P2RY12: variants seen among roughly 807,000 people sequenced by gnomAD.
The protein encoded by P2RY12 is P2Y purinoceptor 12.
P2RY12 carries 3 observed loss-of-function variants against 4.5 expected under a neutral mutation model. The observed-to-expected ratio is 0.67, with a 90% CI of 0.31 to 1.74. P2RY12 has a LOEUF of 1.74. Ranked by LOEUF, P2RY12 falls within the 40% of genes most tolerant of loss-of-function variation. The pLI, the probability that P2RY12 is intolerant of heterozygous loss-of-function variation, is 0.09. For synonymous variants in P2RY12, 148 were observed against 154.1 expected, an observed-to-expected ratio of 0.96 and a Z score of 0.29; for missense variants, 356 against 407.8, an observed-to-expected ratio of 0.87 and a Z score of 1.09.
Position 151,338,685 on chromosome 3 carries a change from C to T in P2RY12, c.161G>A (p.Arg54Gln), listed in dbSNP as rs770337997. ...GLAMRIFFQI[R>Q]SKSNFIIFLK... ...AAAAATAATAAAGTTTGATTTACTC[C>T]GGATTTGAAAGAAAATCCTCATCGC... The change falls in exon 3 of 3, where the codon CGG (arginine) becomes CAG (glutamine). Residue 54 changes from arginine to glutamine, a missense_variant. Arg to Gln is a conservative substitution (Grantham distance 43). Coordinates refer to ENST00000302632, the MANE Select transcript of P2RY12 (RefSeq NM_022788.5). 22 of 1,613,474 alleles carry T rather than the reference C, an allele frequency of 1.4e-5. No individual in the cohort carries two copies. The highest frequency in any genetic ancestry group is 1.0e-4 in the Admixed American group (6 of 59,848).
At chr3:151,368,673 TCA>T (rs1560087340) in intron 1 of P2RY12, among the ~76,000 whole-genome samples, 12 of 76,766 alleles carry the variant, frequency 1.6e-4, no homozygotes, top group East Asian at 1.4e-3. Flanking sequence ...TCATTTCATT[TCA>T]TGTCATTTCA....
At chr3:151,367,569 C>T in intron 1 of P2RY12, 1 of 1,336,928 alleles carries the variant, frequency 7.5e-7, no homozygotes, top group Non-Finnish European at 1.0e-6. Flanking sequence ...GTATTGCCTG[C>T]ATTCTCTTAG....
At chr3:151,376,624 G>A (rs1756885491) in intron 1 of P2RY12, among the ~76,000 whole-genome samples, 1 of 152,094 alleles carries the variant, frequency 6.6e-6, no homozygotes, top group African/African-American at 2.4e-5. Flanking sequence ...CTGTTTATTG[G>A]TTTGTATCGC....
Position 151,368,056 on chromosome 3 carries a change from AT to A in P2RY12, c.-180+16635del, listed in dbSNP as rs754864741. 8.5e-4 allele frequency: 527 copies of A among 619,982 alleles called. 3 individuals are homozygous for A. Among genetic ancestry groups the A allele is most frequent in the Non-Finnish European group, 1.1e-3 (479 of 416,684 alleles). 38.4% of individuals were successfully genotyped at this position (619,982 alleles called of 1,614,324 possible). A position where few individuals can be genotyped will look rare whatever the true frequency, so the allele number is the denominator to read the frequency against. ...CTTACCATAAGGAAAATTTATTTAA[AT>A]AATTATTCCAGGAAATTTAGCTTAA... On this transcript the variant is annotated intron_variant, in intron 1 of 2. Transcript: ENST00000302632.
chr3:151,369,344 A>T, intron 1 of P2RY12: 1 of 785,820 alleles, frequency 1.3e-6, no homozygotes, highest in Non-Finnish European at 2.0e-6. Flanking sequence ...AAGCACCCAC[A>T]GTCTAACAAT....
At chr3:151,357,761 A>C (rs1030318279) in intron 1 of P2RY12, among the ~76,000 whole-genome samples, 1 of 152,242 alleles carries the variant, frequency 6.6e-6, no homozygotes, top group Admixed American at 6.5e-5. Flanking sequence ...TAAGCTTTGC[A>C]TACATTATCA....
intron 1 of P2RY12, among the ~76,000 whole-genome samples, chr3:151,367,176 G>A (rs915645306): frequency 1.3e-5 from 2 of 151,994 alleles, no homozygotes. Context: ...TTTTTAAAAC[G>A]AGTTTAATCA....
intron 1 of P2RY12, among the ~76,000 whole-genome samples, chr3:151,343,878 T>G (rs930377114): frequency 2.6e-5 from 4 of 152,196 alleles, no homozygotes; most frequent in East Asian, 3.8e-4. Flanking sequence ...GAGATATAAT[T>G]ATGACATTTG....
At chr3:151,366,748 C>A (rs1755333407) in intron 1 of P2RY12, among the ~76,000 whole-genome samples, 1 of 152,110 alleles carries the variant, frequency 6.6e-6, no homozygotes, top group African/African-American at 2.4e-5. Context: ...ATCTCTATAT[C>A]TTCATTATAT....
At chr3:151,343,597 A>G (rs1449464015) in intron 1 of P2RY12, among the ~76,000 whole-genome samples, 1 of 151,722 alleles carries the variant, frequency 6.6e-6, no homozygotes, top group Non-Finnish European at 1.5e-5. Context: ...CAAGTTATAG[A>G]TACTTTAATC....
intron 1 of P2RY12, among the ~76,000 whole-genome samples, chr3:151,369,960 T>G (rs1755977380): frequency 6.6e-6 from 1 of 152,110 alleles, no homozygotes; most frequent in Non-Finnish European, 1.5e-5. Flanking sequence ...AAAATCTGAG[T>G]CTTAATCTTA....
intron 1 of P2RY12, among the ~76,000 whole-genome samples, chr3:151,378,398 C>T (rs747752214): frequency 1.3e-5 from 2 of 152,150 alleles, no homozygotes; most frequent in Admixed American, 6.5e-5. Flanking sequence ...CAAATCACTG[C>T]TGAACTGTTA....
At chr3:151,376,244 A>C in intron 1 of P2RY12, 1 of 1,349,070 alleles carries the variant, frequency 7.4e-7, no homozygotes, top group Non-Finnish European at 9.7e-7. Flanking sequence ...TGTTTCTGTC[A>C]TTTGATAAAT....
chr3:151,376,706 C>A, intron 1 of P2RY12: 1 of 1,005,372 alleles, frequency 9.9e-7, no homozygotes, highest in Non-Finnish European at 1.5e-6. Context: ...TATGATTATT[C>A]TGCTCTTTCT....
intron 1 of P2RY12, chr3:151,380,268 C>T (rs371573370): frequency 2.5e-5 from 33 of 1,300,542 alleles, no homozygotes; most frequent in East Asian, 1.2e-4. Flanking sequence ...ATCTTTCTAA[C>T]GGCATTCATT....
intron 1 of P2RY12, chr3:151,377,157 A>G (rs755442454): frequency 1.2e-6 from 2 of 1,612,796 alleles, no homozygotes; most frequent in Non-Finnish European, 1.7e-6. Context: ...ACGAGACAGA[A>G]TGGAATAAAG....
chr3:151,367,175 C>T (rs559716095), intron 1 of P2RY12, among the ~76,000 whole-genome samples: 11 of 151,208 alleles, frequency 7.3e-5, no homozygotes, highest in African/African-American at 1.2e-4. Context: ...GTTTTTAAAA[C>T]GAGTTTAATC....
intron 1 of P2RY12, among the ~76,000 whole-genome samples, chr3:151,368,829 T>G (rs947949265): frequency 6.7e-6 from 1 of 148,554 alleles, no homozygotes; most frequent in African/African-American, 2.5e-5. Context: ...TGGTGTGATC[T>G]CGGCTCACTG....
intron 1 of P2RY12, among the ~76,000 whole-genome samples, chr3:151,347,756 C>CG (rs2150002651): frequency 6.6e-6 from 1 of 152,248 alleles, no homozygotes; most frequent in South Asian, 2.1e-4. Context: ...CATTATACTT[C>CG]GAAGCATTTT....
Sources: allele counts gnomAD v4.1 joint callset (sites outside exome capture counted in the v4.1 genomes callset), GRCh38; gene constraint gnomAD v4.1.1; transcripts MANE v1.5; gene names NCBI Gene and HGNC (gene_info 2026-07-23, HGNC 2026-07-21).